SLC9C2: variants seen among roughly 807,000 people sequenced by gnomAD.
SLC9C2 encodes the protein sodium/hydrogen exchanger 11.
In SLC9C2, 75 loss-of-function variants were observed where a neutral mutation model predicts 140.2. The ratio of observed to expected loss-of-function variants is 0.53; its 90% CI spans 0.44 to 0.65. SLC9C2 has a LOEUF of 0.65. SLC9C2 is among the 30% of genes least tolerant of loss of function. The probability of loss-of-function intolerance (pLI) is 0.00; values close to 1 mark genes in which losing one functional copy is unlikely to be tolerated. For missense variants in SLC9C2, 1,074 were observed against 1,331.8 expected (o/e 0.81, Z 3.01); for synonymous variants, 375 against 420.9 (o/e 0.89, Z 1.34).
At chr1:173,578,849 C>T (rs1665346125) in intron 7 of SLC9C2, among the ~76,000 whole-genome samples, 1 of 152,200 alleles carries the variant, frequency 6.6e-6, no homozygotes. Context: ...TTAGGACCCA[C>T]CCTAATGACT....
chr1:173,521,911 C>T (rs1318879975), intron 21 of SLC9C2, among the ~76,000 whole-genome samples: 1 of 111,492 alleles, frequency 9.0e-6, no homozygotes, highest in Non-Finnish European at 1.9e-5. Flanking sequence ...AAAAAAAATG[C>T]AGAAAAGGCC....
In SLC9C2 at chr1:173,600,203, A is replaced by T; in HGVS notation, c.142T>A (p.Cys48Ser). ...ACAATGACTTCACAATTCTTTAAACACATCTTCAAAAGCCCTAAATGTGAA... is the reference window on the plus strand; with the variant it reads ...ACAATGACTTCACAATTCTTTAAACTCATCTTCAAAAGCCCTAAATGTGAA... ...IVVLGGLLKM[C>S]LKNCEVIVLT... The change falls in exon 3 of 28, where the codon TGT becomes AGT. Residue 48 changes from cysteine to serine, a missense_variant. Coordinates refer to ENST00000367714, the MANE Select transcript of SLC9C2 (RefSeq NM_178527.4). The T allele has an allele frequency of 1.9e-6, 3 of 1,610,948 alleles. No individual in the cohort carries two copies. Among genetic ancestry groups the T allele is most frequent in the Non-Finnish European group, 2.5e-6 (3 of 1,178,274 alleles).
chr1:173,522,391 A>G (rs1278477001), intron 21 of SLC9C2, among the ~76,000 whole-genome samples: 2 of 152,196 alleles, frequency 1.3e-5, no homozygotes, highest in East Asian at 3.9e-4. Context: ...AAAATCCAGA[A>G]GCAAACTGAA....
intron 13 of SLC9C2, among the ~76,000 whole-genome samples, chr1:173,537,399 C>A (rs183507669): frequency 6.6e-6 from 1 of 151,982 alleles, no homozygotes; most frequent in East Asian, 1.9e-4. Flanking sequence ...CCCATCTCTA[C>A]CAAAAATACA....
chr1:173,506,540 G>A (rs561764663), intron 25 of SLC9C2, among the ~76,000 whole-genome samples: 9 of 152,302 alleles, frequency 5.9e-5, no homozygotes, highest in African/African-American at 9.6e-5. Flanking sequence ...ACACGGCATC[G>A]TTGCCTTGGC....
intron 4 of SLC9C2, chr1:173,596,527 G>A (rs1200276837): frequency 6.6e-6 from 1 of 152,126 alleles, no homozygotes; most frequent in East Asian, 1.9e-4. Flanking sequence ...GACTTAGGAT[G>A]TTGAGCGTCT....
At chr1:173,511,029 CTT>C (rs71111066) in intron 23 of SLC9C2, among the ~76,000 whole-genome samples, 46 of 86,738 alleles carry the variant, frequency 5.3e-4, no homozygotes, top group African/African-American at 2.4e-3. Context: ...CTTTCTTTTC[CTT>C]TTTTTTTTTT....
intron 3 of SLC9C2, among the ~76,000 whole-genome samples, chr1:173,598,911 A>G (rs1238639425): frequency 6.6e-6 from 1 of 152,246 alleles, no homozygotes; most frequent in African/African-American, 2.4e-5. Flanking sequence ...TCAAAAATAA[A>G]GGAATGAGTG....
chr1:173,568,683 T>C (rs1018317689), intron 9 of SLC9C2, among the ~76,000 whole-genome samples: 2 of 152,196 alleles, frequency 1.3e-5, no homozygotes, highest in Non-Finnish European at 2.9e-5. Context: ...AGTTCCTCTT[T>C]TAGCTCTTTG....
chr1:173,589,701 G>A (rs2102245060), intron 4 of SLC9C2, among the ~76,000 whole-genome samples: 1 of 152,272 alleles, frequency 6.6e-6, no homozygotes, highest in Non-Finnish European at 1.5e-5. Context: ...ATCAAAAGTA[G>A]AGGGATGCAA....
At chr1:173,532,525 A>G (rs1661652470) in intron 17 of SLC9C2, among the ~76,000 whole-genome samples, 2 of 152,222 alleles carry the variant, frequency 1.3e-5, no homozygotes, top group African/African-American at 4.8e-5. Context: ...GGCCACAGTA[A>G]AATTAAATTC....
At chr1:173,505,181 A>G in intron 26 of SLC9C2, 66 bp downstream of exon 26, 1 of 1,330,636 alleles carries the variant, frequency 7.5e-7, no homozygotes, top group Non-Finnish European at 1.1e-6. Context: ...TTAGAGTTAA[A>G]GGAATTTTAC....
chr1:173,566,628 C>A (rs771708859), intron 9 of SLC9C2, among the ~76,000 whole-genome samples: 2 of 151,794 alleles, frequency 1.3e-5, no homozygotes, highest in Non-Finnish European at 2.9e-5. Flanking sequence ...AAAAAACCAA[C>A]TTTTTGTTTC....
At chr1:173,509,480 A>T in intron 24 of SLC9C2, 88 bp downstream of exon 24, 1 of 1,268,744 alleles carries the variant, frequency 7.9e-7, no homozygotes, top group Non-Finnish European at 1.1e-6. Flanking sequence ...TTTCCTTTCT[A>T]TTTTTGTCTC....
intron 23 of SLC9C2, among the ~76,000 whole-genome samples, chr1:173,512,449 T>C (rs1333764277): frequency 6.6e-6 from 1 of 152,172 alleles, no homozygotes; most frequent in African/African-American, 2.4e-5. Context: ...TTTGGCTCTC[T>C]GCTTGTCTGT....
intron 4 of SLC9C2, 95 bp from the exon 5 acceptor site, chr1:173,587,925 A>T: frequency 4.4e-6 from 4 of 907,660 alleles, no homozygotes; most frequent in East Asian, 2.5e-5. Context: ...TTGGTTGTAA[A>T]TGTTATACAA....
chr1:173,553,402 C>G (rs1663456393), intron 11 of SLC9C2, among the ~76,000 whole-genome samples: 1 of 152,194 alleles, frequency 6.6e-6, no homozygotes, highest in African/African-American at 2.4e-5. Context: ...TATCAAACAG[C>G]ACTGCATGCT....
intron 11 of SLC9C2, among the ~76,000 whole-genome samples, chr1:173,550,268 G>T (rs1462833503): frequency 1.3e-5 from 2 of 151,970 alleles, no homozygotes; most frequent in Non-Finnish European, 2.9e-5. Context: ...GCTGGGTGTG[G>T]TGGTGCAAAT....
intron 9 of SLC9C2, among the ~76,000 whole-genome samples, chr1:173,571,085 G>A (rs866629170): frequency 1.6e-4 from 25 of 152,200 alleles, no homozygotes; most frequent in Middle Eastern, 3.4e-3. Flanking sequence ...CCTGCAGGGG[G>A]GTGAGAGGGA....
Sources: gnomAD v4.1 joint callset for allele counts (sites outside exome capture counted in the v4.1 genomes callset) on GRCh38, gnomAD v4.1.1 for gene constraint, MANE v1.5 for transcripts, NCBI Gene and HGNC (gene_info 2026-07-23, HGNC 2026-07-21) for gene names.